ZNF532: variants seen among roughly 807,000 people sequenced by gnomAD.
ZNF532 encodes the protein zinc finger protein 532.
In ZNF532, 22 loss-of-function variants were observed where a neutral mutation model predicts 89.3. The ratio of observed to expected loss-of-function variants is 0.25; its 90% CI spans 0.18 to 0.35. ZNF532 has a LOEUF of 0.35. Ranked by LOEUF, ZNF532 falls within the 10% of genes least tolerant of loss-of-function variation. The pLI, the probability that ZNF532 is intolerant of heterozygous loss-of-function variation, is 1.00. For synonymous variants in ZNF532, 606 were observed against 649.6 expected (o/e 0.93, Z 1.02); for missense variants, 1,132 against 1,643.4 (o/e 0.69, Z 5.38).
At chr18:58,963,915 C>T (rs983259976) in intron 7 of ZNF532, among the ~76,000 whole-genome samples, 2 of 152,096 alleles carry the variant, frequency 1.3e-5, no homozygotes, top group African/African-American at 2.4e-5. Context: ...CATAATTGCC[C>T]CCCTTAATCT....
chr18:58,978,929 C>T (rs1451862076), intron 7 of ZNF532, 126 bp from the exon 8 acceptor site: 1 of 714,894 alleles, frequency 1.4e-6, no homozygotes, highest in Non-Finnish European at 2.5e-6. Flanking sequence ...AGTGTCATGT[C>T]AACCCTCAGT....
At chr18:58,907,209 G>A (rs959980256) in intron 2 of ZNF532, among the ~76,000 whole-genome samples, 10 of 152,186 alleles carry the variant, frequency 6.6e-5, no homozygotes, top group African/African-American at 1.7e-4. Context: ...TTTTAAAGAC[G>A]GAGTCTCGCT....
intron 2 of ZNF532, among the ~76,000 whole-genome samples, chr18:58,894,817 A>T (rs924145440): frequency 1.3e-5 from 2 of 152,076 alleles, no homozygotes. Flanking sequence ...GTCTACTTGG[A>T]ATATTTAGAG....
chr18:58,866,190 G>A (rs1405268037), intron 2 of ZNF532, among the ~76,000 whole-genome samples: 1 of 152,196 alleles, frequency 6.6e-6, no homozygotes. Flanking sequence ...GGGAAGCCGG[G>A]TAGTCTGGCT....
At chr18:58,966,910 G>C (rs2065979237) in intron 7 of ZNF532, among the ~76,000 whole-genome samples, 1 of 152,102 alleles carries the variant, frequency 6.6e-6, no homozygotes, top group Non-Finnish European at 1.5e-5. Context: ...TGTATGTCCT[G>C]TTATGTGGTC....
chr18:58,915,672 A>G (rs946734621), intron 2 of ZNF532, among the ~76,000 whole-genome samples: 1 of 152,236 alleles, frequency 6.6e-6, no homozygotes, highest in African/African-American at 2.4e-5. Flanking sequence ...TACGTGCAAC[A>G]GCAGAAAAAG....
At chr18:58,874,869 A>G (rs1388654314) in intron 2 of ZNF532, among the ~76,000 whole-genome samples, 1 of 152,106 alleles carries the variant, frequency 6.6e-6, no homozygotes, top group Admixed American at 6.5e-5. Flanking sequence ...CTAGATACTT[A>G]TATTCTGCAC....
At position 58,984,621 on chromosome 18, in the gene ZNF532, C is replaced by G. The variant is rs1047866915; in HGVS notation, c.*155C>G. On this transcript the variant is annotated 3_prime_UTR_variant, in exon 10 of 10. Coordinates refer to ENST00000591808, the MANE Select transcript of ZNF532 (RefSeq NM_001375912.1). ...CCTTCCTTCACCTCGTCGTATATAT[C>G]CTCGATAAGTATTAAAACAGTATTT... 1 of 837,520 alleles carries G rather than the reference C, an allele frequency of 1.2e-6. No individual in the cohort carries two copies. Among genetic ancestry groups the G allele is most frequent in the African/African-American group, 1.7e-5 (1 of 58,006 alleles). 51.9% of individuals were successfully genotyped at this position (837,520 alleles called of 1,614,324 possible). A position where few individuals can be genotyped will look rare whatever the true frequency, so the allele number is the denominator to read the frequency against.
chr18:58,979,717 T>G (rs1197595126), intron 8 of ZNF532: 1 of 152,786 alleles, frequency 6.5e-6, no homozygotes, highest in Non-Finnish European at 1.5e-5. Context: ...AGCGATTGAT[T>G]GGCAGTACAG....
chr18:58,886,220 A>G (rs564271476), intron 2 of ZNF532, among the ~76,000 whole-genome samples: 9 of 152,216 alleles, frequency 5.9e-5, no homozygotes, highest in African/African-American at 2.2e-4. Flanking sequence ...GCCTCAAGTG[A>G]TCCTCCTGCC....
chr18:58,894,508 A>G (rs1002673230), intron 2 of ZNF532, among the ~76,000 whole-genome samples: 4 of 151,736 alleles, frequency 2.6e-5, no homozygotes, highest in Middle Eastern at 3.4e-3. Context: ...TCCTTGGTCT[A>G]GGAAGAGTTT....
intron 2 of ZNF532, among the ~76,000 whole-genome samples, chr18:58,910,954 C>T (rs2060245115): frequency 6.6e-6 from 1 of 151,940 alleles, no homozygotes. Context: ...TTGTAGCTCA[C>T]TGTAGCCTCG....
At chr18:58,970,872 C>T (rs1274399632) in intron 7 of ZNF532, among the ~76,000 whole-genome samples, 1 of 152,238 alleles carries the variant, frequency 6.6e-6, no homozygotes, top group African/African-American at 2.4e-5. Context: ...CCCTGGCAGG[C>T]ATTTCTGGGT....
chr18:58,938,361 T>C (rs1252057548), intron 4 of ZNF532, among the ~76,000 whole-genome samples: 2 of 152,200 alleles, frequency 1.3e-5, no homozygotes, highest in Non-Finnish European at 1.5e-5. Flanking sequence ...TTAGAGTCTT[T>C]GTGTGAAAAA....
chr18:58,958,552 T>A (rs2065025969), intron 7 of ZNF532, among the ~76,000 whole-genome samples: 1 of 152,262 alleles, frequency 6.6e-6, no homozygotes. Context: ...GGGCAAGTTG[T>A]ATGTCCATTT....
intron 2 of ZNF532, among the ~76,000 whole-genome samples, chr18:58,917,731 G>T (rs576040490): frequency 2.6e-4 from 40 of 151,616 alleles, no homozygotes; most frequent in Non-Finnish European, 5.0e-4. Context: ...GTCCCAAATG[G>T]AATTTATTAG....
At chr18:58,879,420 G>A (rs1350566689) in intron 2 of ZNF532, among the ~76,000 whole-genome samples, 5 of 152,084 alleles carry the variant, frequency 3.3e-5, no homozygotes, top group Admixed American at 1.3e-4. Flanking sequence ...TTTTTTGAGA[G>A]GGAGTCTCGC....
rs5825306 is a variant in ZNF532, at chr18:58,920,735, C to CGTGTGT, written c.2346+153_2346+158dup. On this transcript the variant is annotated intron_variant, in intron 3 of 9. Coordinates refer to ENST00000591808, the MANE Select transcript of ZNF532 (RefSeq NM_001375912.1). ...TAGGGTGGGAATGCAGTGAAATGGA[C>CGTGTGT]GTGTGTGTGTGTGTGTGTGTGTGTG... 148 of 421,496 alleles carry CGTGTGT rather than the reference C, an allele frequency of 3.5e-4. 2 individuals carry two copies. Among genetic ancestry groups the CGTGTGT allele is most frequent in the Middle Eastern group, 1.1e-3 (2 of 1,890 alleles). 26.1% of individuals were successfully genotyped at this position (421,496 alleles called of 1,614,324 possible). A position where few individuals can be genotyped will look rare whatever the true frequency, so the allele number is the denominator to read the frequency against.
intron 2 of ZNF532, among the ~76,000 whole-genome samples, chr18:58,872,860 C>G (rs113975248): frequency 6.6e-6 from 1 of 151,784 alleles, no homozygotes; most frequent in Non-Finnish European, 1.5e-5. Context: ...CCACCACGCC[C>G]GGCTAATTTT....
Sources: allele counts gnomAD v4.1 joint callset (sites outside exome capture counted in the v4.1 genomes callset), GRCh38; gene constraint gnomAD v4.1.1; transcripts MANE v1.5; gene names NCBI Gene and HGNC (gene_info 2026-07-23, HGNC 2026-07-21).